ABLIM1: variants seen among roughly 807,000 people sequenced by gnomAD.
ABLIM1 encodes the protein actin binding LIM protein 1.
In ABLIM1, 40 loss-of-function variants were observed where a neutral mutation model predicts 107.0. That is an observed-to-expected ratio of 0.37 (90% CI 0.29 to 0.49). The LOEUF (loss-of-function observed/expected upper bound fraction) is 0.49, where lower values mean the gene tolerates loss of function less well. Ranked by LOEUF, ABLIM1 falls within the 20% of genes least tolerant of loss-of-function variation. The pLI is 0.97. For missense variants in ABLIM1, 857 were observed against 1,008.5 expected (o/e 0.85, Z 2.04); for synonymous variants, 357 against 357.3 (o/e 1.00, Z 0.01).
intron 4 of ABLIM1, among the ~76,000 whole-genome samples, chr10:114,557,718 C>G (rs1319400294): frequency 1.7e-5 from 2 of 119,088 alleles, no homozygotes; most frequent in African/African-American, 6.3e-5. Context: ...ATTGGCCCTT[C>G]TGGTCTTAAA....
chr10:114,761,942 C>A (rs1055369583), intron 1 of ABLIM1, among the ~76,000 whole-genome samples: 8 of 151,630 alleles, frequency 5.3e-5, no homozygotes, highest in African/African-American at 1.7e-4. Context: ...TAACTCAATG[C>A]CACTCTTTGG....
intron 12 of ABLIM1, among the ~76,000 whole-genome samples, chr10:114,455,974 G>C (rs1019807451): frequency 1.3e-5 from 2 of 152,068 alleles, no homozygotes; most frequent in Admixed American, 6.6e-5. Flanking sequence ...CACCGCGCCC[G>C]GCTAATTTTT....
intron 4 of ABLIM1, among the ~76,000 whole-genome samples, chr10:114,566,220 G>A (rs949057254): frequency 1.3e-5 from 2 of 152,182 alleles, no homozygotes; most frequent in African/African-American, 4.8e-5. Context: ...GCATGTGTTT[G>A]TGTGGGTGTT....
At position 114,673,441 on chromosome 10, in the gene ABLIM1, T is replaced by C. The variant is rs543881500; in HGVS notation, c.64+10849A>G. Among the ~76,000 whole-genome samples the C allele has an allele frequency of 3.3e-5, 5 of 152,326 alleles. No homozygotes were observed. In the South Asian group the frequency reaches 8.3e-4, roughly 25 times the overall value. On this transcript the variant is annotated intron_variant, in intron 1 of 23. Transcript: ENST00000369256. ...GCAATCACAGGCAGGCCCTTGTTCA[T>C]GTCTTCATCCTCATCTCTGAAGCCT...
At chr10:114,467,199 T>G (rs979822789) in intron 11 of ABLIM1, among the ~76,000 whole-genome samples, 2 of 152,114 alleles carry the variant, frequency 1.3e-5, no homozygotes, top group Non-Finnish European at 2.9e-5. Flanking sequence ...CAATGGAATA[T>G]CATAGCACCA....
upstream of ABLIM1, among the ~76,000 whole-genome samples, chr10:114,663,181 T>C (rs2079867988): frequency 6.6e-6 from 1 of 152,198 alleles, no homozygotes; most frequent in Admixed American, 6.5e-5. Context: ...TTTCTGAAAA[T>C]CCACCTGTGC....
chr10:114,547,636 G>A lies in ABLIM1; in HGVS notation c.800+14C>T, dbSNP rs765175902. 45 of 1,612,948 alleles carry A rather than the reference G, an allele frequency of 2.8e-5. No homozygotes were observed. In the Admixed American group the frequency reaches 6.7e-4, roughly 24 times the overall value. On this transcript the variant is annotated intron_variant, in intron 5 of 22. Transcript: ENST00000533213. ...TGCCCACTGAAAGGAACGCGTGCCC[G>A]CGCCCAGCCTTACTTGCTGATGTAC...
chr10:114,522,432 C>T (rs1354527198), intron 6 of ABLIM1, among the ~76,000 whole-genome samples: 1 of 152,196 alleles, frequency 6.6e-6, no homozygotes, highest in African/African-American at 2.4e-5. Context: ...TCAGCTTAAA[C>T]TCTGTTAGAG....
At chr10:114,690,630 G>A in intron 1 of ABLIM1, 1 of 756,346 alleles carries the variant, frequency 1.3e-6, no homozygotes, top group South Asian at 1.5e-5. Context: ...GAACACCGTG[G>A]GATTGACTAT....
chr10:114,761,496 C>T lies in ABLIM1; in HGVS notation c.-213+6565G>A, dbSNP rs377167340. Among the ~76,000 whole-genome samples, 129 of 152,234 alleles carry T rather than the reference C, an allele frequency of 8.5e-4. 3 individuals are homozygous for T. The South Asian group carries it at 0.02, about 23-fold the overall frequency. On this transcript the variant is annotated intron_variant, in intron 1 of 15. Transcript: ENST00000651092. ...GTTAGGACATTTCAAACTTGTCATGCGCAACCATCTCTCTCATTTCTGCAG... is the reference window on the plus strand; with the variant it reads ...GTTAGGACATTTCAAACTTGTCATGTGCAACCATCTCTCTCATTTCTGCAG...
rs1442516335 is a variant in ABLIM1, at chr10:114,437,926, T to C, written c.2143-2A>G. ...CATGAGCATTTCATATGGAAATATC[T>C]GAGAAGAAAGAAAACACCTCTTCTA... On this transcript the variant is annotated splice_acceptor_variant, in intron 21 of 22. Coordinates refer to ENST00000533213, the MANE Select transcript of ABLIM1 (RefSeq NM_002313.7). LOFTEE classifies it high-confidence loss of function. The C allele has an allele frequency of 6.2e-7, 1 of 1,613,432 alleles. No individual in the cohort carries two copies. Among genetic ancestry groups the C allele is most frequent in the Non-Finnish European group, 8.5e-7 (1 of 1,179,500 alleles).
the ABLIM1 span, among the ~76,000 whole-genome samples, chr10:114,783,904 A>G: frequency 2.6e-5 from 4 of 152,090 alleles, no homozygotes. Context: ...GGAGCATAAA[A>G]TAAAGAAGGA....
At chr10:114,588,721 T>C (rs907831340) in intron 2 of ABLIM1, among the ~76,000 whole-genome samples, 2 of 151,924 alleles carry the variant, frequency 1.3e-5, no homozygotes, top group African/African-American at 4.8e-5. Context: ...GCCAGGCTGG[T>C]CTCAAACTCC....
intron 4 of ABLIM1, among the ~76,000 whole-genome samples, chr10:114,558,109 T>C (rs900462775): frequency 5.3e-5 from 8 of 152,306 alleles, no homozygotes; most frequent in Middle Eastern, 3.4e-3. Flanking sequence ...TCATTGACTT[T>C]CTGTGCAGCG....
intron 1 of ABLIM1, among the ~76,000 whole-genome samples, chr10:114,723,760 T>C (rs1283734054): frequency 6.6e-6 from 1 of 152,104 alleles, no homozygotes; most frequent in Non-Finnish European, 1.5e-5. Flanking sequence ...GCCCTGTTCA[T>C]TGTCTGTGAG....
chr10:114,746,924 T>C (rs1380472121), intron 1 of ABLIM1, among the ~76,000 whole-genome samples: 3 of 152,208 alleles, frequency 2.0e-5, no homozygotes, highest in Admixed American at 1.3e-4. Flanking sequence ...ATAGAGTTAT[T>C]TGAGGTCCTT....
chr10:114,626,688 G>C (rs748657598), intron 1 of ABLIM1, among the ~76,000 whole-genome samples: 11 of 152,180 alleles, frequency 7.2e-5, no homozygotes, highest in Admixed American at 2.0e-4. Flanking sequence ...GGGTTGGACT[G>C]CATCACCCTC....
At chr10:114,576,348 G>A (rs1684184270) in intron 2 of ABLIM1, among the ~76,000 whole-genome samples, 2 of 152,172 alleles carry the variant, frequency 1.3e-5, no homozygotes, top group Admixed American at 6.5e-5. Context: ...TGCAAATAAA[G>A]CCTAAAGCAG....
At chr10:114,451,885 T>C (rs1409701448) in intron 13 of ABLIM1, among the ~76,000 whole-genome samples, 1 of 152,204 alleles carries the variant, frequency 6.6e-6, no homozygotes, top group East Asian at 1.9e-4. Context: ...TTGTAATACA[T>C]CTTAGGATAT....
Sources: allele counts gnomAD v4.1 joint callset (sites outside exome capture counted in the v4.1 genomes callset), GRCh38; gene constraint gnomAD v4.1.1; transcripts MANE v1.5; gene names NCBI Gene and HGNC (gene_info 2026-07-23, HGNC 2026-07-21).